Variants in CDIN1 observed in about 807,000 individuals in gnomAD.
CDIN1 encodes CDAN1-interacting nuclease 1.
A neutral mutation model predicts 45.3 loss-of-function variants in CDIN1; 33 were observed. The observed-to-expected ratio is 0.73, with a 90% CI of 0.55 to 0.97. The LOEUF (loss-of-function observed/expected upper bound fraction) is 0.97, where lower values mean the gene tolerates loss of function less well. CDIN1 is among the 50% of genes least tolerant of loss of function. The pLI, the probability that CDIN1 is intolerant of heterozygous loss-of-function variation, is 0.00. For synonymous variants in CDIN1, 118 were observed against 124.4 expected, an observed-to-expected ratio of 0.95 and a Z score of 0.34; for missense variants, 303 against 339.4, an observed-to-expected ratio of 0.89 and a Z score of 0.84.
At chr15:36,794,153 G>A (rs1040666158) in intron 10 of CDIN1, among the ~76,000 whole-genome samples, 5 of 148,488 alleles carry the variant, frequency 3.4e-5, no homozygotes, top group African/African-American at 1.2e-4. Flanking sequence ...CCGCCTCCCG[G>A]GTTCACTCCA....
intron 10 of CDIN1, among the ~76,000 whole-genome samples, chr15:36,763,128 A>G (rs1340437949): frequency 6.6e-6 from 1 of 152,118 alleles, no homozygotes; most frequent in Non-Finnish European, 1.5e-5. Context: ...AAGTATTCCT[A>G]TTTCTCCACA....
chr15:36,758,465 A>G (rs552633601), intron 10 of CDIN1, among the ~76,000 whole-genome samples: 2 of 152,322 alleles, frequency 1.3e-5, no homozygotes, highest in East Asian at 3.9e-4. Flanking sequence ...AAGATGAGGA[A>G]AGGCAAGCTG....
intron 10 of CDIN1, among the ~76,000 whole-genome samples, chr15:36,758,735 G>T (rs1382718735): frequency 6.6e-6 from 1 of 152,152 alleles, no homozygotes; most frequent in African/African-American, 2.4e-5. Flanking sequence ...AAGAAAGTGT[G>T]TATTCAGTAC....
chr15:36,767,548 T>C (rs1398703346), intron 10 of CDIN1, among the ~76,000 whole-genome samples: 3 of 152,244 alleles, frequency 2.0e-5, no homozygotes. Context: ...TATTAGTCAC[T>C]GTGCAAACAG....
At chr15:36,715,607 C>G (rs1411169056) in intron 10 of CDIN1, among the ~76,000 whole-genome samples, 1 of 152,192 alleles carries the variant, frequency 6.6e-6, no homozygotes, top group East Asian at 1.9e-4. Flanking sequence ...ATTACAGCAG[C>G]CTCAGAAGCA....
At chr15:36,702,058 A>G (rs1262378313) in intron 8 of CDIN1, 5 of 702,250 alleles carry the variant, frequency 7.1e-6, no homozygotes, top group South Asian at 5.9e-5. Flanking sequence ...TTAGAATACC[A>G]AGACTGTGTG....
intron 5 of CDIN1, among the ~76,000 whole-genome samples, chr15:36,685,763 A>G (rs1407604151): frequency 2.6e-5 from 4 of 152,230 alleles, no homozygotes; most frequent in African/African-American, 9.6e-5. Flanking sequence ...ATGAACAGAC[A>G]CTTCTCAAAA....
At chr15:36,601,634 T>A (rs937077658) in intron 1 of CDIN1, among the ~76,000 whole-genome samples, 1 of 152,204 alleles carries the variant, frequency 6.6e-6, no homozygotes, top group South Asian at 2.1e-4. Context: ...GTCACAAATA[T>A]GGCAGTTTCC....
intron 1 of CDIN1, among the ~76,000 whole-genome samples, chr15:36,584,826 A>G (rs2037217901): frequency 6.6e-6 from 1 of 152,224 alleles, no homozygotes; most frequent in African/African-American, 2.4e-5. Context: ...AGAACATGCA[A>G]ACTCCACACA....
At chr15:36,786,655 T>C (rs1287018686) in intron 10 of CDIN1, among the ~76,000 whole-genome samples, 1 of 152,174 alleles carries the variant, frequency 6.6e-6, no homozygotes, top group Non-Finnish European at 1.5e-5. Context: ...TTTCATTCTC[T>C]TTCTGCTGTG....
At chr15:36,603,535 G>T (rs190502796) in intron 1 of CDIN1, among the ~76,000 whole-genome samples, 269 of 152,290 alleles carry the variant, frequency 1.8e-3, no homozygotes, top group African/African-American at 5.0e-3. Context: ...GATGGAGGGG[G>T]TTGGAGATAC....
chr15:36,664,591 GGCTGGAGT>G (rs1055141102), intron 5 of CDIN1, among the ~76,000 whole-genome samples: 6 of 152,138 alleles, frequency 3.9e-5, no homozygotes, highest in African/African-American at 1.4e-4. Context: ...TCTGTCGCCA[GGCTGGAGT>G]GCAGTGGCAC....
intron 10 of CDIN1, among the ~76,000 whole-genome samples, chr15:36,750,923 GCAAA>G (rs991184268): frequency 6.6e-6 from 1 of 151,920 alleles, no homozygotes; most frequent in Non-Finnish European, 1.5e-5. Context: ...AGGTAAAAAA[GCAAA>G]CAAACAAAAT....
intron 10 of CDIN1, among the ~76,000 whole-genome samples, chr15:36,746,201 A>T (rs1241700178): frequency 6.6e-6 from 1 of 152,096 alleles, no homozygotes; most frequent in Non-Finnish European, 1.5e-5. Context: ...CATGTAGAAG[A>T]CCAATTAGAG....
At position 36,703,412 on chromosome 15, in the gene CDIN1, A is replaced by ATATATATATATATG. The variant is rs1460318052; in HGVS notation, c.545-5806_545-5805insATATATATGTATAT. On this transcript the variant is annotated intron_variant, in intron 8 of 10. Transcript: ENST00000566621. ...AGATATATATATATATGATATACAT[A>ATATATATATATATG]TATATCAGATATATATATATCAGAA... Among the ~76,000 whole-genome samples, 13 of 127,230 alleles carry ATATATATATATATG rather than the reference A, an allele frequency of 1.0e-4. 1 individual carries two copies. The highest frequency in any genetic ancestry group is 5.4e-4 in the African/African-American group (13 of 24,278). 83.5% of individuals were successfully genotyped at this position (127,230 alleles called of 152,430 possible). A position where few individuals can be genotyped will look rare whatever the true frequency, so the allele number is the denominator to read the frequency against.
intron 10 of CDIN1, among the ~76,000 whole-genome samples, chr15:36,783,325 A>T (rs1807904093): frequency 6.7e-6 from 1 of 149,716 alleles, no homozygotes; most frequent in African/African-American, 2.4e-5. Flanking sequence ...TTTGTGTAAA[A>T]ACATATGTTG....
chr15:36,677,987 CT>C (rs2041710753), intron 5 of CDIN1, among the ~76,000 whole-genome samples: 1 of 152,188 alleles, frequency 6.6e-6, no homozygotes, highest in African/African-American at 2.4e-5. Flanking sequence ...AACACTCATG[CT>C]TTGGAGATAT....
At position 36,654,098 on chromosome 15, in the gene CDIN1, G is replaced by T; in HGVS notation, c.213G>T (p.Arg71Ser). The change falls in exon 4 of 11, where the codon AGG (arginine) becomes AGT (serine). Residue 71 changes from arginine (R) to serine (S), a missense_variant and splice_region_variant. By Grantham distance (110) the Arg-to-Ser change is moderately radical. Transcript: ENST00000566621. ...TACCACTTGGCTTTGTCTTGTCTAG[G>T]TACCTGAATGGAGTGGTGAAAAATG... Reference protein sequence around the residue: ...TSEAIESYYQRYLNGVVKNGA... With the variant: ...TSEAIESYYQSYLNGVVKNGA... The T allele has an allele frequency of 6.3e-7, 1 of 1,576,376 alleles. No individual in the cohort carries two copies. The highest frequency in any genetic ancestry group is 1.7e-4 in the Middle Eastern group (1 of 6,018).
intron 10 of CDIN1, among the ~76,000 whole-genome samples, chr15:36,783,635 C>T (rs1595593529): frequency 1.3e-5 from 2 of 152,196 alleles, no homozygotes; most frequent in South Asian, 2.1e-4. Flanking sequence ...AGAGCTAGAG[C>T]CTCAGAGCTG....
Sources: allele counts gnomAD v4.1 joint callset (sites outside exome capture counted in the v4.1 genomes callset), GRCh38; gene constraint gnomAD v4.1.1; transcripts MANE v1.5; gene names NCBI Gene and HGNC (gene_info 2026-07-23, HGNC 2026-07-21).